FAM118A: variants seen among roughly 807,000 people sequenced by gnomAD.
FAM118A encodes the protein protein FAM118A.
FAM118A carries 25 observed loss-of-function variants against 38.2 expected under a neutral mutation model. That is an observed-to-expected ratio of 0.65 (90% CI 0.48 to 0.91). The LOEUF is 0.91. Among genes scored for constraint, FAM118A ranks in the 40% least tolerant of loss-of-function variants. The pLI is 0.00. For missense variants in FAM118A, 425 were observed against 463.3 expected, an observed-to-expected ratio of 0.92 and a Z score of 0.76; for synonymous variants, 178 against 184.1, an observed-to-expected ratio of 0.97 and a Z score of 0.27.
intron 3 of FAM118A, among the ~76,000 whole-genome samples, chr22:45,324,907 C>T (rs1278050931): frequency 6.6e-5 from 10 of 152,140 alleles, no homozygotes; most frequent in South Asian, 4.1e-4. Flanking sequence ...ATTAACCTGG[C>T]GTGGTGGCAG....
intron 5 of FAM118A, among the ~76,000 whole-genome samples, chr22:45,331,750 T>G (rs2085735874): frequency 6.6e-6 from 1 of 152,168 alleles, no homozygotes; most frequent in Non-Finnish European, 1.5e-5. Context: ...TAATACTGCT[T>G]GGTGATAAGA....
At chr22:45,331,500 G>A (rs2085717530) in intron 5 of FAM118A, among the ~76,000 whole-genome samples, 1 of 152,032 alleles carries the variant, frequency 6.6e-6, no homozygotes, top group Admixed American at 6.6e-5. Flanking sequence ...TTAGTCTCCC[G>A]AGTAGCTGGG....
chr22:45,324,281 C>G (rs552299925), intron 3 of FAM118A, among the ~76,000 whole-genome samples: 1 of 152,224 alleles, frequency 6.6e-6, no homozygotes, highest in African/African-American at 2.4e-5. Context: ...CCAAGGAGAA[C>G]ATGGTGGCCG....
chr22:45,329,863 A>C (rs1601954094), intron 4 of FAM118A: 1 of 152,266 alleles, frequency 6.6e-6, no homozygotes, highest in Non-Finnish European at 1.5e-5. Context: ...GTTTGTGTCC[A>C]TTCCACCTGC....
chr22:45,336,894 A>G (rs373247157), intron 8 of FAM118A, among the ~76,000 whole-genome samples: 5 of 152,154 alleles, frequency 3.3e-5, no homozygotes, highest in African/African-American at 1.2e-4. Context: ...CTCTGGAGAA[A>G]AGCACTTTAA....
At chr22:45,316,260 G>A (rs866236787) in intron 1 of FAM118A, among the ~76,000 whole-genome samples, 11 of 152,092 alleles carry the variant, frequency 7.2e-5, no homozygotes, top group Admixed American at 3.3e-4. Flanking sequence ...GGCTGGTCTC[G>A]ACCTCCTTAC....
chr22:45,331,078 T>C (rs2085679999), intron 5 of FAM118A, among the ~76,000 whole-genome samples: 1 of 152,214 alleles, frequency 6.6e-6, no homozygotes, highest in East Asian at 1.9e-4. Context: ...GCATGACATA[T>C]AGGCCCCGTG....
rs1257905895 is a variant in FAM118A, at chr22:45,340,475, T to C, written c.*70T>C. The C allele has an allele frequency of 1.0e-5, 16 of 1,550,320 alleles. No individual in the cohort carries two copies. Among genetic ancestry groups the C allele is most frequent in the Non-Finnish European group, 1.2e-5 (14 of 1,121,880 alleles). The stretch of plus-strand genomic sequence containing the variant: ...ACCACAGTGCCCAAACGAAGAGGAA[T>C]GTATGGAGAACTCCACGTGGATCTC... On this transcript the variant is annotated 3_prime_UTR_variant, in exon 9 of 9. Coordinates refer to ENST00000441876, the MANE Select transcript of FAM118A (RefSeq NM_017911.4).
chr22:45,315,738 G>T lies in FAM118A; in HGVS notation c.-10+5555G>T, dbSNP rs6007584. On this transcript the variant is annotated intron_variant, in intron 1 of 8. Transcript: ENST00000441876. ...GTTTAGAGAGGTCTACCTGGCTGGG[G>T]GAAACAGGTTTAGAGAGGTCTACCT... Among the ~76,000 whole-genome samples the T allele has an allele frequency of 7.2e-3, 1,088 of 151,790 alleles. 11 individuals carry two copies. The highest frequency in any genetic ancestry group is 0.025 in the African/African-American group (1,041 of 41,312).
chr22:45,319,910 G>C (rs2084776879), intron 1 of FAM118A, among the ~76,000 whole-genome samples: 1 of 152,196 alleles, frequency 6.6e-6, no homozygotes, highest in African/African-American at 2.4e-5. Context: ...CCTGTGGACT[G>C]TGATTTCTTA....
At chr22:45,315,682 TTA>T (rs2084575380) in intron 1 of FAM118A, among the ~76,000 whole-genome samples, 2 of 151,792 alleles carry the variant, frequency 1.3e-5, no homozygotes, top group Non-Finnish European at 1.5e-5. Context: ...GGAAATAGGT[TTA>T]GAGAGGTCTA....
At position 45,332,729 on chromosome 22, in the gene FAM118A, C is replaced by G. The variant is rs746860090; in HGVS notation, c.937+19C>G. 1 of 1,540,284 alleles carries G rather than the reference C, an allele frequency of 6.5e-7. No individual in the cohort carries two copies. The highest frequency in any genetic ancestry group is 8.7e-7 in the Non-Finnish European group (1 of 1,148,750). On this transcript the variant is annotated intron_variant, in intron 6 of 8. Coordinates refer to ENST00000441876, the MANE Select transcript of FAM118A (RefSeq NM_017911.4). ...AGCCCAGGTATGGGATCTGGCTTCA[C>G]TTTCCTTTTTCTTTCTTTTTTCTTT...
chr22:45,325,098 GGAA>G (rs776697891), intron 3 of FAM118A, among the ~76,000 whole-genome samples: 2 of 152,284 alleles, frequency 1.3e-5, no homozygotes, highest in Non-Finnish European at 2.9e-5. Flanking sequence ...ACCCGTCATA[GGAA>G]GAAGAAGGGA....
intron 1 of FAM118A, chr22:45,318,711 G>T (rs575158187): frequency 1.3e-5 from 2 of 152,350 alleles, no homozygotes; most frequent in East Asian, 3.9e-4. Context: ...TGCAGTTCAA[G>T]TTGCAGAGTT....
At chr22:45,322,303 T>C in intron 1 of FAM118A, 68 bp from the exon 2 acceptor site, 1 of 1,583,084 alleles carries the variant, frequency 6.3e-7, no homozygotes, top group Non-Finnish European at 8.6e-7. Flanking sequence ...CTTAACTATC[T>C]TCCAGGGTGC....
At chr22:45,313,459 A>T (rs2084468016) in intron 1 of FAM118A, among the ~76,000 whole-genome samples, 1 of 151,212 alleles carries the variant, frequency 6.6e-6, no homozygotes, top group Non-Finnish European at 1.5e-5. Context: ...AGTAGCTGGG[A>T]TTACAGGCGC....
chr22:45,313,992 A>G lies in FAM118A; in HGVS notation c.-10+3809A>G, dbSNP rs1160133032. Among the ~76,000 whole-genome samples, 8 of 152,186 alleles carry G rather than the reference A, an allele frequency of 5.3e-5. No individual in the cohort carries two copies. In the East Asian group the frequency reaches 9.6e-4, roughly 18 times the overall value. On this transcript the variant is annotated intron_variant, in intron 1 of 8. Transcript: ENST00000441876. ...AATGCTTCCAGCAACCTTAGGAGGT[A>G]TAAGATATTCTTTCCTTTGTAGAAA...
In FAM118A at chr22:45,333,747, G is replaced by A. The variant is rs6007597; in HGVS notation, c.937+1037G>A. ...TACCAGCTACTCTGGAGGCTCAGGT[G>A]GGGGGATTGCTTGAGCCCAGGAGTT... On this transcript the variant is annotated intron_variant, in intron 6 of 8. Coordinates refer to ENST00000441876, the MANE Select transcript of FAM118A (RefSeq NM_017911.4). Among the ~76,000 whole-genome samples the A allele has an allele frequency of 7.5e-3, 1,121 of 150,158 alleles. 13 individuals carry two copies. The highest frequency in any genetic ancestry group is 0.026 in the African/African-American group (1,053 of 40,882).
chr22:45,334,155 C>T (rs1022150454), intron 6 of FAM118A, among the ~76,000 whole-genome samples: 7 of 152,314 alleles, frequency 4.6e-5, no homozygotes, highest in Non-Finnish European at 8.8e-5. Flanking sequence ...TGAGAAATTG[C>T]TCATCTATCA....
Sources: allele counts gnomAD v4.1 joint callset (sites outside exome capture counted in the v4.1 genomes callset), GRCh38; gene constraint gnomAD v4.1.1; transcripts MANE v1.5; gene names NCBI Gene and HGNC (gene_info 2026-07-23, HGNC 2026-07-21).